DGAT1: variants seen among roughly 807,000 people sequenced by gnomAD.
The protein encoded by DGAT1 is diacylglycerol O-acyltransferase 1, also known as ACAT related gene product 1.
Under a neutral mutation model 72.6 loss-of-function variants are expected in DGAT1, and 60 were observed. That is an observed-to-expected ratio of 0.83 (90% confidence interval 0.67 to 1.02). The LOEUF (loss-of-function observed/expected upper bound fraction) is 1.02. Ranked by LOEUF, DGAT1 falls within the 50% of genes least tolerant of loss-of-function variation. The probability of loss-of-function intolerance (pLI) is 0.00; values close to 1 mark genes in which losing one functional copy is unlikely to be tolerated. For missense variants in DGAT1, 592 were observed against 670.0 expected (o/e 0.88, Z 1.29); for synonymous variants, 290 against 267.5 (o/e 1.08, Z -0.82).
In DGAT1 at chr8:144,326,740, C is replaced by T. The variant is rs1416080610; in HGVS notation, c.-104G>A. ...GGGCCCTAGACAACGGCCGCCACTG[C>T]CCCCTGCCGGCCGCCGTAGCCCGGG... On this transcript the variant is annotated 5_prime_UTR_variant, in exon 1 of 17. Coordinates refer to ENST00000528718, the MANE Select transcript of DGAT1 (RefSeq NM_012079.6). The T allele has an allele frequency of 1.0e-6, 1 of 965,610 alleles. No homozygotes were observed. Among genetic ancestry groups the T allele is most frequent in the Non-Finnish European group, 1.3e-6 (1 of 786,260 alleles). 59.8% of individuals were successfully genotyped at this position (965,610 alleles called of 1,614,324 possible).
At chr8:144,317,893 G>T (rs782658376) in intron 9 of DGAT1, 21 bp downstream of exon 9, 1 of 1,538,424 alleles carries the variant, frequency 6.5e-7, no homozygotes, top group African/African-American at 1.4e-5. Flanking sequence ...TCCAGTGGCT[G>T]CCCCCAGCCC....
At chr8:144,319,684 T>G (rs1195278461) in intron 2 of DGAT1, among the ~76,000 whole-genome samples, 1 of 152,152 alleles carries the variant, frequency 6.6e-6, no homozygotes, top group East Asian at 1.9e-4. Flanking sequence ...CCTTGGACAC[T>G]TGGCTCCAAA....
At chr8:144,316,817 C>G (rs996657040) in intron 16 of DGAT1, 36 bp downstream of exon 16, 1 of 1,601,434 alleles carries the variant, frequency 6.2e-7, no homozygotes, top group Non-Finnish European at 8.5e-7. Flanking sequence ...TGCGGGGTAA[C>G]TGGGCGAGTG....
Position 144,318,120 on chromosome 8 carries a change from G to GCCC in DGAT1, c.725_726insGGG (p.Ser242delinsArgGly). ...CGCGGTAGGTCAGATTGTCCGGGTA[G>GCCC]CTCACGGTGTGCGGGGCAGCAGCAC... On this transcript the variant is annotated protein_altering_variant, in exon 8 of 17. Transcript: ENST00000528718. The GCCC allele has an allele frequency of 6.5e-7, 1 of 1,543,638 alleles. No individual in the cohort carries two copies. Among genetic ancestry groups the GCCC allele is most frequent in the South Asian group, 1.2e-5 (1 of 80,326 alleles).
Position 144,315,920 on chromosome 8 carries a change from T to C in DGAT1, c.*634A>G. The C allele has an allele frequency of 1.0e-6, 1 of 986,424 alleles. No homozygotes were observed. The highest frequency in any genetic ancestry group is 1.2e-6 in the Non-Finnish European group (1 of 830,706). 61.1% of individuals were successfully genotyped at this position (986,424 alleles called of 1,614,324 possible). The stretch of plus-strand genomic sequence containing the variant: ...CCAGAAAGGCCCTGTGGACTGCCCA[T>C]CCCTGGGCCATCCTGGCTGGAGCCC... On this transcript the variant is annotated 3_prime_UTR_variant, in exon 17 of 17. Transcript: ENST00000528718.
chr8:144,326,495 C>A lies in DGAT1; in HGVS notation c.142G>T (p.Ala48Ser). Reference sequence around the variant, plus strand: ...TCTCCGTCCTTGTTGGGGGCCGGGGCTGGCGCGTCCCCCGCGGCTCCCACG... The same window carrying A: ...TCTCCGTCCTTGTTGGGGGCCGGGGATGGCGCGTCCCCCGCGGCTCCCACG... ...PDVGAAGDAP[A>S]PAPNKDGDAG... Residue 48 changes from alanine (A) to serine (S), a missense_variant, in exon 1 of 17, where the codon GCC (alanine) becomes TCC (serine). Physicochemically the swap from Ala to Ser is moderately conservative, Grantham distance 99 (BLOSUM62 1). Transcript: ENST00000528718. 7.8e-7 allele frequency: 1 copy of A among 1,286,846 alleles called. No individual in the cohort carries two copies. The highest frequency in any genetic ancestry group is 9.9e-7 in the Non-Finnish European group (1 of 1,012,794). The allele number at this position is 1,286,846 out of a possible 1,614,324, so 79.7% of individuals were successfully genotyped here. A position where few individuals can be genotyped will look rare whatever the true frequency, so the allele number is the denominator to read the frequency against.
intron 5 of DGAT1, 28 bp downstream of exon 5, chr8:144,318,671 A>G (rs782071285): frequency 7.0e-5 from 112 of 1,608,190 alleles, no homozygotes; most frequent in Middle Eastern, 6.6e-4. Context: ...CAGGGTGAGC[A>G]CACACGGAGG....
rs371827614 is a variant in DGAT1, at chr8:144,317,282, G to A, written c.1095-30C>T. 158 of 1,612,770 alleles carry A rather than the reference G, an allele frequency of 9.8e-5. 3 individuals are homozygous for A. Among genetic ancestry groups the A allele is most frequent in the East Asian group, 5.8e-4 (26 of 44,850 alleles). ...GGGCCAAGAGACCACAGGGGGATCA[G>A]AGCACACCATGGCCCATCCCAGCCC... On this transcript the variant is annotated intron_variant, in intron 13 of 16. Transcript: ENST00000528718.
Position 144,316,572 on chromosome 8 carries a change from G to C in DGAT1, c.1449C>G (p.Ala483=). The part of the protein sequence containing the change: ...VHDYYVLNYE[A]PAAEA ...GTGCAGCTCAGGCCTCTGCCGCTGG[G>C]GCCTCATAGTTGAGCACGTAGTAGT... The change falls in exon 17 of 17, where the codon GCC becomes GCG. Residue 483 remains alanine, a synonymous_variant. Coordinates refer to ENST00000528718, the MANE Select transcript of DGAT1 (RefSeq NM_012079.6). 13 of 1,599,468 alleles carry C rather than the reference G, an allele frequency of 8.1e-6. No individual in the cohort carries two copies. Among genetic ancestry groups the C allele is most frequent in the Non-Finnish European group, 1.1e-5 (13 of 1,173,676 alleles).
At position 144,316,935 on chromosome 8, in the gene DGAT1, G is replaced by A. The variant is rs576833495; in HGVS notation, c.1249-20C>T. ...CAGGTACTGAGATGGGAGGGAGAGA[G>A]GATGCCAGGGAGTGGGGTGTCAGCC... On this transcript the variant is annotated intron_variant, in intron 15 of 16. Coordinates refer to ENST00000528718, the MANE Select transcript of DGAT1 (RefSeq NM_012079.6). 3.1e-6 allele frequency: 5 copies of A among 1,612,504 alleles called. No individual in the cohort carries two copies. Among genetic ancestry groups the A allele is most frequent in the African/African-American group, 2.7e-5 (2 of 75,022 alleles).
chr8:144,324,655 CAGA>C (rs1817549193), intron 1 of DGAT1, among the ~76,000 whole-genome samples: 1 of 152,196 alleles, frequency 6.6e-6, no homozygotes, highest in Non-Finnish European at 1.5e-5. Context: ...CCCACACCAG[CAGA>C]AGTACAGGAA....
In DGAT1 at chr8:144,326,765, G is replaced by T. The variant is rs930382476; in HGVS notation, c.-129C>A. The T allele has an allele frequency of 1.2e-4, 94 of 786,098 alleles. No homozygotes were observed. The African/African-American group carries it at 1.6e-3, about 13-fold the overall frequency. The allele number at this position is 786,098 out of a possible 1,614,324, so 48.7% of individuals were successfully genotyped here. A position where few individuals can be genotyped will look rare whatever the true frequency, so the allele number is the denominator to read the frequency against. ...CCCCCTGCCGGCCGCCGTAGCCCGG[G>T]TGACCGCCTCACCAGCGCGTTCAAC... On this transcript the variant is annotated 5_prime_UTR_variant, in exon 1 of 17. Coordinates refer to ENST00000528718, the MANE Select transcript of DGAT1 (RefSeq NM_012079.6).
chr8:144,320,262 G>A (rs556643554), intron 2 of DGAT1, among the ~76,000 whole-genome samples: 156 of 152,350 alleles, frequency 1.0e-3, no homozygotes, highest in Non-Finnish European at 1.8e-3. Context: ...GGCCCAAGGG[G>A]TTGGGGAGAA....
intron 2 of DGAT1, among the ~76,000 whole-genome samples, chr8:144,320,361 GTCC>G (rs1817414029): frequency 6.6e-6 from 1 of 152,210 alleles, no homozygotes; most frequent in African/African-American, 2.4e-5. Flanking sequence ...TGGGCCCACT[GTCC>G]TCCTGCCTGG....
Position 144,316,295 on chromosome 8 carries a change from TG to T in DGAT1, c.*258del. ...GCCCCTGGCAGGCTGAAGAGGTCAC[TG>T]GACAGCACTTTATTGACACCCTCGG... On this transcript the variant is annotated 3_prime_UTR_variant, in exon 17 of 17. Transcript: ENST00000528718. The T allele has an allele frequency of 2.0e-6, 1 of 498,398 alleles. No homozygotes were observed. The highest frequency in any genetic ancestry group is 3.6e-6 in the Non-Finnish European group (1 of 281,392). The allele number at this position is 498,398 out of a possible 1,614,324, so 30.9% of individuals were successfully genotyped here.
At chr8:144,316,798 G>A in intron 16 of DGAT1, 55 bp downstream of exon 16, 2 of 1,597,328 alleles carry the variant, frequency 1.3e-6, no homozygotes, top group Admixed American at 1.8e-5. Context: ...GTCAGCCGAG[G>A]GGTTCAGGTG....
At position 144,317,907 on chromosome 8, in the gene DGAT1, A is replaced by AGGAT; in HGVS notation, c.855+6_855+7insATCC. 1 of 1,528,294 alleles carries AGGAT rather than the reference A, an allele frequency of 6.5e-7. No homozygotes were observed. The highest frequency in any genetic ancestry group is 8.8e-7 in the Non-Finnish European group (1 of 1,139,584). The allele number at this position is 1,528,294 out of a possible 1,614,324, so 94.7% of individuals were successfully genotyped here. On this transcript the variant is annotated splice_region_variant and intron_variant, in intron 9 of 16. Transcript: ENST00000528718. ...CTCCAGTGGCTGCCCCCAGCCCCCA[A>AGGAT]CCTCACCATCTCAAGGATCCGTCGC...
Position 144,318,077 on chromosome 8 carries a change from G to A in DGAT1, c.751+18C>T, listed in dbSNP as rs901153033. On this transcript the variant is annotated intron_variant, in intron 8 of 16. Transcript: ENST00000528718. The stretch of plus-strand genomic sequence containing the variant: ...GCCCAGCCTGTCCCCCGCACCTCAG[G>A]CCCACAGAGGTCCTCACCGCGGTAG... The A allele has an allele frequency of 6.6e-7, 1 of 1,523,464 alleles. No individual in the cohort carries two copies. The highest frequency in any genetic ancestry group is 8.8e-7 in the Non-Finnish European group (1 of 1,136,760). The allele number at this position is 1,523,464 out of a possible 1,614,324, so 94.4% of individuals were successfully genotyped here.
At position 144,323,686 on chromosome 8, in the gene DGAT1, G is replaced by A. The variant is rs565992273; in HGVS notation, c.201-2278C>T. On this transcript the variant is annotated intron_variant, in intron 1 of 16. Coordinates refer to ENST00000528718, the MANE Select transcript of DGAT1 (RefSeq NM_012079.6). ...CTCGGAGCAGCCTGCCCTCCCTCCT[G>A]CAGCCCCCAGGCCCACCCAGCCAGC... 9.2e-5 allele frequency among the ~76,000 whole-genome samples: 14 copies of A among 152,248 alleles called. No individual in the cohort carries two copies. In the South Asian group the frequency reaches 2.9e-3, roughly 32 times the overall value.
Sources: gnomAD v4.1 joint callset for allele counts (sites outside exome capture counted in the v4.1 genomes callset) on GRCh38, gnomAD v4.1.1 for gene constraint, MANE v1.5 for transcripts, NCBI Gene and HGNC (gene_info 2026-07-23, HGNC 2026-07-21) for gene names.